NCOA1: variants seen among roughly 807,000 people sequenced by gnomAD.
NCOA1 encodes Hin-2 protein.
A neutral mutation model predicts 150.9 loss-of-function variants in NCOA1; 35 were observed. The observed-to-expected ratio is 0.23, with a 90% CI of 0.18 to 0.31. The LOEUF is 0.31. NCOA1 is among the 10% of genes least tolerant of loss of function. The pLI is 1.00. For missense variants in NCOA1, 1,491 were observed against 1,749.3 expected (o/e 0.85, Z 2.63); for synonymous variants, 590 against 630.0 (o/e 0.94, Z 0.95).
chr2:24,679,193 A>T (rs1390150502), intron 7 of NCOA1, among the ~76,000 whole-genome samples: 1 of 152,204 alleles, frequency 6.6e-6, no homozygotes, highest in Admixed American at 6.5e-5. Context: ...TGATTACTGA[A>T]TGCATAGGCA....
chr2:24,548,121 A>C (rs1240990135), intron 1 of NCOA1, among the ~76,000 whole-genome samples: 2 of 152,202 alleles, frequency 1.3e-5, no homozygotes, highest in South Asian at 4.1e-4. Context: ...ACTGCTGATA[A>C]AGACACACCT....
intron 4 of NCOA1, among the ~76,000 whole-genome samples, chr2:24,647,781 G>A (rs1670539383): frequency 6.6e-6 from 1 of 152,056 alleles, no homozygotes; most frequent in Non-Finnish European, 1.5e-5. Flanking sequence ...TTTATAATGT[G>A]AAAGTGGCAA....
At chr2:24,663,555 G>A (rs1671280623) in intron 5 of NCOA1, among the ~76,000 whole-genome samples, 1 of 152,180 alleles carries the variant, frequency 6.6e-6, no homozygotes, top group African/African-American at 2.4e-5. Flanking sequence ...ACTCAGAATA[G>A]CATTAGCTAG....
At chr2:24,586,346 G>T (rs1186514022) in intron 3 of NCOA1, among the ~76,000 whole-genome samples, 1 of 151,536 alleles carries the variant, frequency 6.6e-6, no homozygotes, top group Non-Finnish European at 1.5e-5. Context: ...AGCTACTTGG[G>T]TGGCTGAGGT....
At chr2:24,507,435 G>GTTTTTTTTTTTTTT in intron 1 of NCOA1, among the ~76,000 whole-genome samples, 1 of 126,526 alleles carries the variant, frequency 7.9e-6, no homozygotes, top group Non-Finnish European at 1.6e-5. Context: ...GAGCTGCTGG[G>GTTTTTTTTTTTTTT]TTTTTTTTTT....
intron 19 of NCOA1, among the ~76,000 whole-genome samples, chr2:24,743,121 A>C (rs568947225): frequency 6.6e-6 from 1 of 152,340 alleles, no homozygotes; most frequent in East Asian, 1.9e-4. Flanking sequence ...TACTCTGTTT[A>C]ATCAAACTTT....
At chr2:24,549,114 GT>G (rs1450483579) in intron 1 of NCOA1, among the ~76,000 whole-genome samples, 2 of 152,320 alleles carry the variant, frequency 1.3e-5, no homozygotes, top group Non-Finnish European at 2.9e-5. Flanking sequence ...GCATCCAGGT[GT>G]TTCCATACAT....
intron 19 of NCOA1, among the ~76,000 whole-genome samples, chr2:24,744,706 A>G (rs1451585053): frequency 3.9e-5 from 6 of 152,242 alleles, no homozygotes; most frequent in Non-Finnish European, 7.3e-5. Context: ...TATGTGTTCC[A>G]ACATGTTTCC....
intron 2 of NCOA1, among the ~76,000 whole-genome samples, chr2:24,568,235 G>A (rs1666593292): frequency 1.3e-5 from 2 of 152,158 alleles, no homozygotes; most frequent in Non-Finnish European, 2.9e-5. Context: ...GGGGATAAGA[G>A]CAAAATCAAT....
chr2:24,707,945 A>G (rs1227965181), intron 13 of NCOA1, 57 bp downstream of exon 13: 10 of 1,513,896 alleles, frequency 6.6e-6, no homozygotes, highest in Non-Finnish European at 8.8e-6. Flanking sequence ...TTTTTCATTT[A>G]TTCTATTCCA....
At chr2:24,575,188 C>T (rs1666904486) in intron 2 of NCOA1, among the ~76,000 whole-genome samples, 1 of 151,768 alleles carries the variant, frequency 6.6e-6, no homozygotes, top group Non-Finnish European at 1.5e-5. Flanking sequence ...GTATTTTTCT[C>T]CTTTGTGCTT....
At chr2:24,585,490 T>C (rs1218372332) in intron 3 of NCOA1, among the ~76,000 whole-genome samples, 1 of 152,082 alleles carries the variant, frequency 6.6e-6, no homozygotes, top group Non-Finnish European at 1.5e-5. Flanking sequence ...TGCAGACACA[T>C]TCACAGATTT....
At chr2:24,694,258 A>C (rs1316389298) in intron 10 of NCOA1, among the ~76,000 whole-genome samples, 2 of 152,144 alleles carry the variant, frequency 1.3e-5, no homozygotes, top group African/African-American at 4.8e-5. Context: ...ATATTATTTG[A>C]TTTTATCTTT....
chr2:24,593,399 T>C (rs1230897650), intron 3 of NCOA1, among the ~76,000 whole-genome samples: 3 of 152,056 alleles, frequency 2.0e-5, no homozygotes, highest in African/African-American at 7.2e-5. Flanking sequence ...AGGAGCATGA[T>C]GGGAATTTGG....
intron 4 of NCOA1, among the ~76,000 whole-genome samples, chr2:24,648,369 G>A (rs1336587399): frequency 6.6e-6 from 1 of 152,086 alleles, no homozygotes; most frequent in Admixed American, 6.5e-5. Context: ...CGCCTCCCGG[G>A]TTCAAGCAGT....
At chr2:24,765,392 G>A (rs908995234) in intron 22 of NCOA1, among the ~76,000 whole-genome samples, 1 of 151,808 alleles carries the variant, frequency 6.6e-6, no homozygotes, top group South Asian at 2.1e-4. Flanking sequence ...TCAGCTACTC[G>A]GGAGGCTGAG....
At chr2:24,741,682 G>A in intron 18 of NCOA1, 102 bp from the exon 19 acceptor site, 2 of 1,274,260 alleles carry the variant, frequency 1.6e-6, no homozygotes, top group South Asian at 1.6e-5. Context: ...TAATTGCTAT[G>A]TACTTTATTG....
chr2:24,604,280 T>G (rs1201420110), intron 3 of NCOA1, among the ~76,000 whole-genome samples: 1 of 152,230 alleles, frequency 6.6e-6, no homozygotes, highest in Non-Finnish European at 1.5e-5. Context: ...CACTGTGCAC[T>G]GTCTTTACCT....
Position 24,726,698 on chromosome 2 carries a change from A to C in NCOA1, c.2709A>C (p.Lys903Asn), listed in dbSNP as rs1558318394. 6 of 1,597,168 alleles carry C rather than the reference A, an allele frequency of 3.8e-6. No individual in the cohort carries two copies. Among genetic ancestry groups the C allele is most frequent in the Non-Finnish European group, 5.1e-6 (6 of 1,168,710 alleles). The change falls in exon 15 of 23, where the codon AAA becomes AAC. Residue 903 changes from lysine (K) to asparagine (N), a missense_variant. This residue lies in a region of NCOA1 where 703 missense variants were observed against 717.7 expected (regional missense o/e 0.98). Transcript: ENST00000348332. ...NNTVTAINQS[K>N]SEDQCISSQL... Reference sequence around the variant, plus strand: ...CAGTGACAGCTATAAATCAGAGTAAATCAGAAGAGTAAGTAATACATTTTG... The same window carrying C: ...CAGTGACAGCTATAAATCAGAGTAACTCAGAAGAGTAAGTAATACATTTTG...
Sources: gnomAD v4.1 joint callset for allele counts (sites outside exome capture counted in the v4.1 genomes callset) on GRCh38, gnomAD v4.1.1 for gene constraint, gnomAD v4.1.1 regional missense constraint, MANE v1.5 for transcripts, NCBI Gene and HGNC (gene_info 2026-07-23, HGNC 2026-07-21) for gene names.